Variants in CEP350 observed in about 807,000 individuals in gnomAD.
CEP350 encodes centrosome-associated protein 350.
CEP350 carries 126 observed loss-of-function variants against 331.8 expected under a neutral mutation model. The ratio of observed to expected loss-of-function variants is 0.38; its 90% CI spans 0.33 to 0.44. The LOEUF is 0.44. Ranked by LOEUF, CEP350 falls within the 20% of genes least tolerant of loss-of-function variation. CEP350 has a pLI of 1.00. For synonymous variants in CEP350, 1,200 were observed against 1,259.5 expected, an observed-to-expected ratio of 0.95 and a Z score of 1.00; for missense variants, 3,406 against 3,634.6, an observed-to-expected ratio of 0.94 and a Z score of 1.62.
rs150337212 is a variant in CEP350 at position 180,093,612 on chromosome 1, G to A, written c.7507G>A (p.Val2503Met). ...ATTTGATTTCCACATTGGTGATAGG[G>A]TGTTGATTGGAAATGTTCAGCCAGG... The part of the protein sequence containing the change: ...ELFDFHIGDR[V>M]LIGNVQPGIL... The change falls in exon 34 of 38, where the codon GTG (valine) becomes ATG (methionine). Residue 2503 changes from valine (V) to methionine (M), a missense_variant. By Grantham distance (21) the Val-to-Met change is conservative (BLOSUM62 1). Coordinates refer to ENST00000367607, the MANE Select transcript of CEP350 (RefSeq NM_014810.5). 78 of 1,613,872 alleles carry A rather than the reference G, an allele frequency of 4.8e-5. No homozygotes were observed. Among genetic ancestry groups the A allele is most frequent in the Non-Finnish European group, 6.4e-5 (76 of 1,179,890 alleles).
intron 6 of CEP350, among the ~76,000 whole-genome samples, chr1:180,002,284 G>C (rs184476971): frequency 1.3e-3 from 203 of 152,242 alleles, no homozygotes; most frequent in African/African-American, 4.6e-3. Flanking sequence ...GACCAACCTG[G>C]CCAACATGGT....
intron 1 of CEP350, among the ~76,000 whole-genome samples, chr1:179,969,988 A>G (rs1000017931): frequency 5.2e-4 from 79 of 152,330 alleles, no homozygotes; most frequent in Non-Finnish European, 2.1e-4. Context: ...CCTTGAAATT[A>G]ATTTAGAAAA....
intron 13 of CEP350, among the ~76,000 whole-genome samples, chr1:180,023,385 A>G (rs1248260638): frequency 6.6e-6 from 1 of 152,200 alleles, no homozygotes; most frequent in Admixed American, 6.5e-5. Context: ...GAGTATTGGG[A>G]AATTATTCCA....
intron 27 of CEP350, among the ~76,000 whole-genome samples, chr1:180,072,073 G>A (rs954611879): frequency 3.3e-5 from 5 of 151,888 alleles, no homozygotes; most frequent in African/African-American, 7.3e-5. Flanking sequence ...TTTATTCAAC[G>A]TTTAAAGAGC....
rs78335287 is a variant in CEP350, at chr1:179,966,507, C to T, written c.-14+11365C>T. Among the ~76,000 whole-genome samples the T allele has an allele frequency of 7.8e-3, 1,192 of 152,290 alleles. 5 individuals carry two copies. The highest frequency in any genetic ancestry group is 0.01 in the Non-Finnish European group (693 of 68,032). On this transcript the variant is annotated intron_variant, in intron 1 of 37. Coordinates refer to ENST00000367607, the MANE Select transcript of CEP350 (RefSeq NM_014810.5). ...AGGATCCCATTTTTACCTTGAATAG[C>T]AGCTTTGGTCCTTGGATCCCTTTGA...
At chr1:180,003,523 G>A (rs542341766) in intron 7 of CEP350, among the ~76,000 whole-genome samples, 12 of 152,206 alleles carry the variant, frequency 7.9e-5, no homozygotes, top group Admixed American at 2.0e-4. Context: ...TTAAACTGAG[G>A]GACTTTCAGA....
Position 180,111,386 on chromosome 1 carries a change from T to G in CEP350, c.*225T>G. On this transcript the variant is annotated 3_prime_UTR_variant, in exon 38 of 38. Coordinates refer to ENST00000367607, the MANE Select transcript of CEP350 (RefSeq NM_014810.5). ...AATGGGTTATTTTCAGTGGGCAGGG[T>G]TGCACAGTGTAATCCTACACCTTTT... The G allele has an allele frequency of 2.0e-6, 1 of 497,012 alleles. No individual in the cohort carries two copies. Among genetic ancestry groups the G allele is most frequent in the Non-Finnish European group, 3.5e-6 (1 of 284,556 alleles). The allele number at this position is 497,012 out of a possible 1,614,324, so 30.8% of individuals were successfully genotyped here.
At chr1:180,012,807 A>C (rs1654744457) in intron 9 of CEP350, among the ~76,000 whole-genome samples, 1 of 152,214 alleles carries the variant, frequency 6.6e-6, no homozygotes, top group Non-Finnish European at 1.5e-5. Flanking sequence ...CTTCACTTTT[A>C]TCTAGCTTGT....
intron 25 of CEP350, 59 bp downstream of exon 25, chr1:180,054,561 C>G: frequency 8.0e-7 from 1 of 1,257,004 alleles, no homozygotes; most frequent in Non-Finnish European, 1.1e-6. Flanking sequence ...TTTGTGGAAT[C>G]TATTATTTTG....
chr1:180,070,802 A>G (rs1658830476), intron 27 of CEP350, among the ~76,000 whole-genome samples: 1 of 152,228 alleles, frequency 6.6e-6, no homozygotes, highest in African/African-American at 2.4e-5. Context: ...ATGGCTAATT[A>G]CTGGAGTTGA....
Position 180,084,064 on chromosome 1 carries a change from G to A in CEP350, c.6171G>A (p.Leu2057=). ...QSDIEGRIRA[L]KDELRKRKSV... ...ATATTGAAGGTAGGATCAGAGCTCT[G>A]AAGGATGAGTTGCGGAAAAGAAAAT... Residue 2057 remains leucine, a synonymous_variant, in exon 31 of 38, where the codon CTG becomes CTA. Transcript: ENST00000367607. 6.2e-7 allele frequency: 1 copy of A among 1,602,448 alleles called. No homozygotes were observed.
chr1:179,967,640 G>C (rs1340293820), intron 1 of CEP350, among the ~76,000 whole-genome samples: 3 of 152,060 alleles, frequency 2.0e-5, no homozygotes, highest in Non-Finnish European at 4.4e-5. Flanking sequence ...TCCAACTCCT[G>C]ACCCCAGGTG....
chr1:180,012,079 A>C lies in CEP350; in HGVS notation c.1393+4A>C. On this transcript the variant is annotated splice_donor_region_variant and intron_variant, in intron 9 of 37. Transcript: ENST00000367607. Reference sequence around the variant, plus strand: ...AGAGAAAGAACTGCTAAATCTGGTAAGTAGCTATAATTAAAATAGTTGAGA... The same window carrying C: ...AGAGAAAGAACTGCTAAATCTGGTACGTAGCTATAATTAAAATAGTTGAGA... 6.5e-7 allele frequency: 1 copy of C among 1,540,414 alleles called. No individual in the cohort carries two copies. Among genetic ancestry groups the C allele is most frequent in the Middle Eastern group, 1.7e-4 (1 of 5,966 alleles).
chr1:179,971,520 C>A (rs1361715652), intron 1 of CEP350, among the ~76,000 whole-genome samples: 1 of 151,898 alleles, frequency 6.6e-6, no homozygotes, highest in Non-Finnish European at 1.5e-5. Context: ...GACACTGGGT[C>A]TCACTTTGTT....
rs2149214555 is a variant in CEP350 at position 180,113,467 on chromosome 1, T to TC, written c.*2308dup. ...TGTGGCAGTAGCTGTCCTGACAGAC[T>TC]CCAACTGTCTTTACTATCTGAAGAA... is the stretch of plus-strand genomic sequence containing the variant. On this transcript the variant is annotated 3_prime_UTR_variant, in exon 38 of 38. Transcript: ENST00000367607. 1 of 152,232 alleles carries TC rather than the reference T, an allele frequency of 6.6e-6. No individual in the cohort carries two copies. The highest frequency in any genetic ancestry group is 1.5e-5 in the Non-Finnish European group (1 of 68,010). 9.4% of individuals were successfully genotyped at this position (152,232 alleles called of 1,614,324 possible). A position where few individuals can be genotyped will look rare whatever the true frequency, so the allele number is the denominator to read the frequency against.
chr1:179,962,993 A>G (rs1650743905), intron 1 of CEP350, among the ~76,000 whole-genome samples: 1 of 152,114 alleles, frequency 6.6e-6, no homozygotes, highest in South Asian at 2.1e-4. Flanking sequence ...TAACTCTTTA[A>G]TAATAGCAAT....
At chr1:180,066,652 C>T (rs1056299049) in intron 27 of CEP350, among the ~76,000 whole-genome samples, 1 of 151,962 alleles carries the variant, frequency 6.6e-6, no homozygotes, top group East Asian at 1.9e-4. Flanking sequence ...AGAGGTGAAA[C>T]CAAATATTGA....
At chr1:179,969,194 A>T in intron 1 of CEP350, 1 of 566,002 alleles carries the variant, frequency 1.8e-6, no homozygotes. Flanking sequence ...TGTGTGTGCC[A>T]CCATTTCCTG....
chr1:179,980,911 C>A (rs1652232285), intron 1 of CEP350, among the ~76,000 whole-genome samples: 2 of 152,212 alleles, frequency 1.3e-5, no homozygotes, highest in East Asian at 1.9e-4. Flanking sequence ...TTAAAAAATT[C>A]TATTTTCTAT....
Sources: allele counts gnomAD v4.1 joint callset (sites outside exome capture counted in the v4.1 genomes callset), GRCh38; gene constraint gnomAD v4.1.1; transcripts MANE v1.5; gene names NCBI Gene and HGNC (gene_info 2026-07-23, HGNC 2026-07-21).